Variants in NFATC1 observed in about 807,000 individuals in gnomAD.
NFATC1 encodes nuclear factor of activated T cells 1.
In NFATC1, 22 loss-of-function variants were observed where a neutral mutation model predicts 76.0. The ratio of observed to expected loss-of-function variants is 0.29; its 90% CI spans 0.21 to 0.41. The LOEUF is 0.41. NFATC1 is among the 10% of genes least tolerant of loss of function. The pLI is 1.00. For synonymous variants in NFATC1, 704 were observed against 613.1 expected (o/e 1.15, Z -2.19); for missense variants, 1,357 against 1,337.7 (o/e 1.01, Z -0.23).
intron 9 of NFATC1, among the ~76,000 whole-genome samples, chr18:79,488,200 T>G (rs893197089): frequency 5.3e-5 from 8 of 152,018 alleles, no homozygotes; most frequent in Non-Finnish European, 4.4e-5. Flanking sequence ...GGAGGATGCA[T>G]GCAAATATTT....
chr18:79,498,423 G>A (rs1455793693), intron 9 of NFATC1: 3 of 150,836 alleles, frequency 2.0e-5, no homozygotes, highest in African/African-American at 7.3e-5. Context: ...TAGAGAGGCT[G>A]AACAACAGAT....
rs547956070 is a variant in NFATC1, at chr18:79,396,726, G to T, written c.127+375G>T. Among the ~76,000 whole-genome samples the T allele has an allele frequency of 3.9e-5, 6 of 152,236 alleles. No individual in the cohort carries two copies. In the South Asian group the frequency reaches 1.2e-3, roughly 32 times the overall value. On this transcript the variant is annotated intron_variant, in intron 1 of 9. Transcript: ENST00000427363. ...GAAGGGAGGCTTCCTTGGGAGTGAA[G>T]GATGCCCCGTGTCTTCCTGAGCGAG...
intron 9 of NFATC1, among the ~76,000 whole-genome samples, chr18:79,489,411 C>G (rs922491448): frequency 6.6e-6 from 1 of 152,232 alleles, no homozygotes; most frequent in East Asian, 1.9e-4. Context: ...TGCCACGTTC[C>G]CATTGGGGCC....
chr18:79,431,176 A>G (rs548869046), intron 2 of NFATC1, among the ~76,000 whole-genome samples: 7 of 152,344 alleles, frequency 4.6e-5, no homozygotes, highest in Admixed American at 3.9e-4. Flanking sequence ...GCATCTTTGG[A>G]TAAATCCATT....
rs8090312 is a variant in NFATC1 at position 79,465,154 on chromosome 18, A to G, written c.1960-2296A>G. Among the ~76,000 whole-genome samples, 59,526 of 151,980 alleles carry G rather than the reference A, an allele frequency of 0.39. 13,007 individuals carry two copies. The highest frequency in any genetic ancestry group is 0.6 in the African/African-American group (24,966 of 41,442). On this transcript the variant is annotated intron_variant, in intron 7 of 9. Transcript: ENST00000427363. The surrounding 1 kb of genome is among the most constrained non-coding windows in gnomAD (Gnocchi z 4.2). ...TTGGAACCCGTATTTTTTCCGGTAC[A>G]GACGAGTTTCCCTCTCCCTTCCTGT...
At chr18:79,458,443 G>C (rs557216994) in intron 6 of NFATC1, among the ~76,000 whole-genome samples, 9 of 152,290 alleles carry the variant, frequency 5.9e-5, no homozygotes, top group African/African-American at 2.2e-4. Context: ...GGAAACAGTG[G>C]CTCAGCATCA....
chr18:79,491,444 G>A (rs892683057), intron 9 of NFATC1, among the ~76,000 whole-genome samples: 7 of 152,208 alleles, frequency 4.6e-5, no homozygotes, highest in South Asian at 2.1e-4. Flanking sequence ...GGGAGAGAGC[G>A]AAAAGCTGGG....
chr18:79,412,785 G>T (rs747361433), intron 2 of NFATC1, among the ~76,000 whole-genome samples: 1 of 152,250 alleles, frequency 6.6e-6, no homozygotes, highest in African/African-American at 2.4e-5. Context: ...TTCTACTGGC[G>T]TGATACTTAG....
chr18:79,461,195 C>A, intron 6 of NFATC1, 116 bp from the exon 7 acceptor site: 1 of 1,231,094 alleles, frequency 8.1e-7, no homozygotes, highest in East Asian at 2.5e-5. Flanking sequence ...ACGTGGGTCT[C>A]CTGGGACAAG....
chr18:79,493,913 G>A (rs889671033), intron 9 of NFATC1: 1 of 152,240 alleles, frequency 6.6e-6, no homozygotes, highest in East Asian at 1.9e-4. Flanking sequence ...GCCTGCTGTC[G>A]GCAGGGCGGG....
intron 3 of NFATC1, among the ~76,000 whole-genome samples, chr18:79,447,681 A>T (rs959690792): frequency 2.0e-4 from 30 of 151,950 alleles, no homozygotes; most frequent in Non-Finnish European, 3.4e-4. Context: ...AAAGGGTTTG[A>T]CTCCTGCGGC....
intron 1 of NFATC1, chr18:79,409,986 G>A: frequency 3.7e-6 from 2 of 539,676 alleles, no homozygotes; most frequent in Non-Finnish European, 7.3e-6. Context: ...GGTTGAGGAA[G>A]GTGGTTTTTG....
intron 6 of NFATC1, among the ~76,000 whole-genome samples, chr18:79,452,999 C>CT: frequency 6.6e-6 from 1 of 152,318 alleles, no homozygotes; most frequent in Admixed American, 6.5e-5. Flanking sequence ...GTCTTTGACT[C>CT]TAACTTGGCT....
intron 8 of NFATC1, among the ~76,000 whole-genome samples, chr18:79,475,999 G>A (rs1350415848): frequency 6.6e-6 from 1 of 152,228 alleles, no homozygotes; most frequent in East Asian, 1.9e-4. Context: ...CTGGGGCTGG[G>A]CGAGTCTGGC....
intron 8 of NFATC1, among the ~76,000 whole-genome samples, chr18:79,479,830 G>C (rs985348087): frequency 2.0e-5 from 3 of 152,246 alleles, no homozygotes; most frequent in Non-Finnish European, 4.4e-5. Context: ...AGGACAGGGA[G>C]ATGGGGCAGT....
intron 2 of NFATC1, among the ~76,000 whole-genome samples, chr18:79,428,726 C>T (rs1283063531): frequency 1.3e-5 from 2 of 152,182 alleles, no homozygotes; most frequent in Admixed American, 1.3e-4. Context: ...CCTGTAACCC[C>T]AGCACTTTGG....
At position 79,504,107 on chromosome 18, in the gene NFATC1, C is replaced by T. The variant is rs117072316; in HGVS notation, c.2782+17170C>T. Among the ~76,000 whole-genome samples, 328 of 152,322 alleles carry T rather than the reference C, an allele frequency of 2.2e-3. 1 individual carries two copies. The highest frequency in any genetic ancestry group is 3.5e-3 in the Non-Finnish European group (240 of 68,030). ...CTCTGTATCAGCAATAAGGCTGTTCCGCCCTCTTATCATCGGTGTTGTTCA... is the reference window on the plus strand; with the variant it reads ...CTCTGTATCAGCAATAAGGCTGTTCTGCCCTCTTATCATCGGTGTTGTTCA... On this transcript the variant is annotated intron_variant, in intron 9 of 9. Transcript: ENST00000427363.
At chr18:79,440,841 C>A (rs997409353) in intron 3 of NFATC1, among the ~76,000 whole-genome samples, 4 of 152,246 alleles carry the variant, frequency 2.6e-5, no homozygotes, top group Non-Finnish European at 5.9e-5. Context: ...AGCTGCTGGG[C>A]GGGACGGCTG....
intron 1 of NFATC1, chr18:79,400,375 C>CCCCGGT (rs2085157832): frequency 1.4e-6 from 2 of 1,476,222 alleles, no homozygotes; most frequent in Middle Eastern, 1.8e-4. Context: ...CCCGCCCCGG[C>CCCCGGT]CCCGGCCCGA....
Sources: allele counts gnomAD v4.1 joint callset (sites outside exome capture counted in the v4.1 genomes callset), GRCh38; gene constraint gnomAD v4.1.1; non-coding constraint Gnocchi (gnomAD v3.1); transcripts MANE v1.5; gene names NCBI Gene and HGNC (gene_info 2026-07-23, HGNC 2026-07-21).